PABPC1L: variants seen among roughly 807,000 people sequenced by gnomAD.
PABPC1L encodes poly(A) binding protein cytoplasmic 1 like, also known as polyadenylate-binding protein 1-like.
Under a neutral mutation model 66.6 loss-of-function variants are expected in PABPC1L, and 31 were observed. The ratio of observed to expected loss-of-function variants is 0.47; its 90% CI spans 0.35 to 0.63. The LOEUF (loss-of-function observed/expected upper bound fraction) is 0.63. PABPC1L is among the 20% of genes least tolerant of loss of function. PABPC1L has a pLI of 0.00. For synonymous variants in PABPC1L, 348 were observed against 335.1 expected (o/e 1.04, Z -0.42); for missense variants, 722 against 848.8 (o/e 0.85, Z 1.86).
chr20:44,925,728 G>A (rs1010671686), intron 7 of PABPC1L, among the ~76,000 whole-genome samples: 2 of 152,182 alleles, frequency 1.3e-5, no homozygotes, highest in Non-Finnish European at 2.9e-5. Flanking sequence ...TGAAAAATGC[G>A]AGAGAAGGCT....
intron 2 of PABPC1L, among the ~76,000 whole-genome samples, chr20:44,914,553 T>G (rs960975372): frequency 2.0e-5 from 3 of 152,114 alleles, no homozygotes; most frequent in African/African-American, 7.2e-5. Flanking sequence ...GCATAATCCT[T>G]AAGTTCTCAA....
intron 7 of PABPC1L, among the ~76,000 whole-genome samples, chr20:44,925,841 G>T (rs1427988350): frequency 1.3e-5 from 2 of 152,158 alleles, no homozygotes; most frequent in Admixed American, 1.3e-4. Flanking sequence ...TAGAAACATG[G>T]TTGAAAGCTG....
At chr20:44,929,794 C>CAA (rs569532056) in intron 7 of PABPC1L, among the ~76,000 whole-genome samples, 23 of 101,360 alleles carry the variant, frequency 2.3e-4, no homozygotes, top group Middle Eastern at 0.011. Flanking sequence ...AACTATGTCT[C>CAA]AAAAAAAAAA....
In PABPC1L at chr20:44,910,204, G is replaced by C; in HGVS notation, c.61G>C (p.Asp21His). ...GCTTTACGTGGGCGATCTGCACCCC[G>C]ACGTGACCGAGGCCATGCTCTATGA... ...ASLYVGDLHP[D>H]VTEAMLYEKF... Residue 21 changes from aspartate to histidine, a missense_variant, in exon 1 of 15, where the codon GAC becomes CAC. Physicochemically the swap from Asp to His is moderately conservative, Grantham distance 81. Around this residue, in one of 3 missense-constraint regions of PABPC1L, gnomAD observed 284 missense variants for 294.8 expected, o/e 0.96. Transcript: ENST00000217073. 6.3e-7 allele frequency: 1 copy of C among 1,580,450 alleles called. No homozygotes were observed.
intron 5 of PABPC1L, 62 bp from the exon 6 acceptor site, chr20:44,921,532 T>C (rs1474920301): frequency 6.3e-7 from 1 of 1,584,716 alleles, no homozygotes; most frequent in Non-Finnish European, 8.6e-7. Context: ...ATCCAGAAGA[T>C]GAGCCTGGGC....
At chr20:44,923,522 G>T (rs1389506422) in intron 6 of PABPC1L, among the ~76,000 whole-genome samples, 3 of 152,012 alleles carry the variant, frequency 2.0e-5, no homozygotes, top group Non-Finnish European at 4.4e-5. Context: ...CCAGCTACTT[G>T]GGAGGCTGAG....
Position 44,939,233 on chromosome 20 carries a change from T to C in PABPC1L, c.*114T>C. The stretch of plus-strand genomic sequence containing the variant: ...TTTCCCAATTAGTCTGTATCTATAC[T>C]TGGGCTCTGTATGTGAATGAAGGTT... On this transcript the variant is annotated 3_prime_UTR_variant, in exon 15 of 15. Coordinates refer to ENST00000217073, the MANE Select transcript of PABPC1L (RefSeq NM_001372179.1). 1 of 717,660 alleles carries C rather than the reference T, an allele frequency of 1.4e-6. No homozygotes were observed. Among genetic ancestry groups the C allele is most frequent in the South Asian group, 1.5e-5 (1 of 67,600 alleles). 44.5% of individuals were successfully genotyped at this position (717,660 alleles called of 1,614,324 possible). A position where few individuals can be genotyped will look rare whatever the true frequency, so the allele number is the denominator to read the frequency against.
Position 44,933,183 on chromosome 20 carries a change from T to C in PABPC1L, c.1457T>C (p.Val486Ala), listed in dbSNP as rs925100381. 3 of 1,601,040 alleles carry C rather than the reference T, an allele frequency of 1.9e-6. No individual in the cohort carries two copies. The African/African-American group carries it at 4.0e-5, about 22-fold the overall frequency. The change falls in exon 10 of 15, where the codon GTA (valine) becomes GCA (alanine). Residue 486 changes from valine (V) to alanine (A), a missense_variant and splice_region_variant. Val to Ala is a moderately conservative substitution (Grantham distance 64). Transcript: ENST00000217073. ...VPRTVPHTQR[V>A]ANIGTQTTGP... ...CGCACGGTGCCTCATACCCAGAGAGTAGGTGAGTGTGGGTAGGGCCAAGGG... is the reference window on the plus strand; with the variant it reads ...CGCACGGTGCCTCATACCCAGAGAGCAGGTGAGTGTGGGTAGGGCCAAGGG...
chr20:44,911,680 G>A (rs6031867), intron 1 of PABPC1L, among the ~76,000 whole-genome samples: 58,597 of 151,838 alleles, frequency 0.39, 11,818 homozygotes, highest in African/African-American at 0.5. Context: ...CCCCTTACTG[G>A]GCTGGATTCC....
At chr20:44,921,809 TC>T in intron 6 of PABPC1L, 78 bp downstream of exon 6, 1 of 1,585,776 alleles carries the variant, frequency 6.3e-7, no homozygotes, top group Non-Finnish European at 8.5e-7. Flanking sequence ...GGTGACTGTT[TC>T]TTCTAGTGAT....
At chr20:44,930,838 G>T in intron 8 of PABPC1L, 112 bp downstream of exon 8, 1 of 1,392,678 alleles carries the variant, frequency 7.2e-7, no homozygotes, top group South Asian at 1.4e-5. Flanking sequence ...TTCTGCCGAG[G>T]ACTCATTAGG....
At position 44,930,601 on chromosome 20, in the gene PABPC1L, G is replaced by C; in HGVS notation, c.1114G>C (p.Glu372Gln). The change falls in exon 8 of 15, where the codon GAG becomes CAG. Residue 372 changes from glutamate (E) to glutamine (Q), a missense_variant. Glu to Gln is a conservative substitution (Grantham distance 29). Around this residue, in one of 3 missense-constraint regions of PABPC1L, gnomAD observed 301 missense variants for 337.2 expected, o/e 0.89. Transcript: ENST00000217073. ...PLYVALAQRK[E>Q]ERKAILTNQY... ...CTACGTGGCACTGGCCCAGCGCAAA[G>C]AGGAGCGGAAGGCCATCTTGACCAA... 3 of 1,614,258 alleles carry C rather than the reference G, an allele frequency of 1.9e-6. No homozygotes were observed. Among genetic ancestry groups the C allele is most frequent in the South Asian group, 1.1e-5 (1 of 91,088 alleles).
rs2066713845 is a variant in PABPC1L at position 44,912,769 on chromosome 20, C to A, written c.303C>A (p.Ile101=). 6.2e-7 allele frequency: 1 copy of A among 1,614,062 alleles called. No homozygotes were observed. The highest frequency in any genetic ancestry group is 1.3e-5 in the African/African-American group (1 of 74,908). The change falls in exon 2 of 15, where the codon ATC becomes ATA. Residue 101 remains isoleucine, a synonymous_variant. Coordinates refer to ENST00000217073, the MANE Select transcript of PABPC1L (RefSeq NM_001372179.1). ...PGLRKSGVGN[I]FIKNLEDSID... is the part of the protein sequence containing the mutation. The stretch of plus-strand genomic sequence containing the variant: ...TTCGCAAGTCAGGTGTGGGCAACAT[C>A]TTCATCAAGAACCTGGAGGACTCCA...
chr20:44,921,591 C>A lies in PABPC1L; in HGVS notation c.739-3C>A, dbSNP rs2066773541. On this transcript the variant is annotated splice_region_variant and splice_polypyrimidine_tract_variant and intron_variant, in intron 5 of 14. Coordinates refer to ENST00000217073, the MANE Select transcript of PABPC1L (RefSeq NM_001372179.1). ...CAAGCATGTTCCCTCCTCCTTTCCC[C>A]AGGCCGTGGTCCATATGAACGGGAA... 11 of 1,613,768 alleles carry A rather than the reference C, an allele frequency of 6.8e-6. No individual in the cohort carries two copies. Among genetic ancestry groups the A allele is most frequent in the Non-Finnish European group, 9.3e-6 (11 of 1,179,870 alleles).
rs1234072771 is a variant in PABPC1L at position 44,938,137 on chromosome 20, T to C, written c.1737T>C (p.Ile579=). 3 of 1,614,076 alleles carry C rather than the reference T, an allele frequency of 1.9e-6. No homozygotes were observed. Among genetic ancestry groups the C allele is most frequent in the Non-Finnish European group, 2.5e-6 (3 of 1,180,036 alleles). Residue 579 remains isoleucine (I), a synonymous_variant, in exon 13 of 15, where the codon ATT becomes ATC. Coordinates refer to ENST00000217073, the MANE Select transcript of PABPC1L (RefSeq NM_001372179.1). ...AGATCACGGGCATGCTGCTGGAGAT[T>C]GACAACTCAGAGCTGTTGCTCATGC... ...AGKITGMLLE[I]DNSELLLMLE...
chr20:44,921,211 G>A (rs1433944004), intron 5 of PABPC1L, among the ~76,000 whole-genome samples: 3 of 149,200 alleles, frequency 2.0e-5, no homozygotes, highest in South Asian at 2.1e-4. Flanking sequence ...GTGCAATGGC[G>A]TGATCTCAGC....
rs1367548375 is a variant in PABPC1L at position 44,912,707 on chromosome 20, C to G, written c.241C>G (p.Pro81Ala). The G allele has an allele frequency of 6.2e-7, 1 of 1,614,124 alleles. No individual in the cohort carries two copies. The highest frequency in any genetic ancestry group is 1.3e-5 in the African/African-American group (1 of 75,042). ...GAACTTTGAGATGCTCAAAGGCCAG[C>G]CTATTCGCATCATGTGGTCCCAGCG... ...TMNFEMLKGQ[P>A]IRIMWSQRDP... Residue 81 changes from proline to alanine, a missense_variant, in exon 2 of 15, where the codon CCT becomes GCT. By Grantham distance (27) the Pro-to-Ala change is conservative (BLOSUM62 -1). Around this residue, in one of 3 missense-constraint regions of PABPC1L, gnomAD observed 284 missense variants for 294.8 expected, o/e 0.96. Transcript: ENST00000217073.
intron 2 of PABPC1L, 135 bp from the exon 3 acceptor site, chr20:44,916,621 C>A: frequency 3.8e-6 from 3 of 797,690 alleles, no homozygotes; most frequent in South Asian, 1.5e-5. Context: ...AGCTTCCATA[C>A]CCCATCCCTA....
At chr20:44,912,193 C>T (rs575467831) in intron 1 of PABPC1L, among the ~76,000 whole-genome samples, 84 of 152,204 alleles carry the variant, frequency 5.5e-4, no homozygotes, top group African/African-American at 1.8e-3. Context: ...TCCCCAGAGC[C>T]GGACTGCTTG....
Sources: gnomAD v4.1 joint callset for allele counts (sites outside exome capture counted in the v4.1 genomes callset) on GRCh38, gnomAD v4.1.1 for gene constraint, gnomAD v4.1.1 regional missense constraint, MANE v1.5 for transcripts, NCBI Gene and HGNC (gene_info 2026-07-23, HGNC 2026-07-21) for gene names.